The following ANO4 variants were observed in gnomAD, a reference collection of about 807,000 sequenced individuals.
The protein encoded by ANO4 is anoctamin-4.
In ANO4, 69 loss-of-function variants were observed where a neutral mutation model predicts 141.9. The observed-to-expected ratio is 0.49, with a 90% CI of 0.40 to 0.59. The LOEUF is 0.59. Among genes scored for constraint, ANO4 ranks in the 20% least tolerant of loss-of-function variants. The pLI is 0.00. For synonymous variants in ANO4, 350 were observed against 394.3 expected (o/e 0.89, Z 1.33); for missense variants, 894 against 1,162.2 (o/e 0.77, Z 3.36).
intron 1 of ANO4, among the ~76,000 whole-genome samples, chr12:100,865,998 C>T (rs2135908124): frequency 6.6e-6 from 1 of 152,280 alleles, no homozygotes; most frequent in African/African-American, 2.4e-5. Flanking sequence ...GCTTTCCTGT[C>T]TTCTACAAGT....
chr12:101,027,166 G>A (rs1403852937), intron 9 of ANO4, among the ~76,000 whole-genome samples: 1 of 152,244 alleles, frequency 6.6e-6, no homozygotes, highest in Non-Finnish European at 1.5e-5. Flanking sequence ...AAGGGAGGCA[G>A]TGAGTGAGTG....
At chr12:101,043,047 A>G (rs1460545736) in intron 12 of ANO4, among the ~76,000 whole-genome samples, 3 of 152,244 alleles carry the variant, frequency 2.0e-5, no homozygotes, top group Admixed American at 2.0e-4. Flanking sequence ...TCCACCTACG[A>G]AAACATTTTA....
At chr12:100,975,971 T>A (rs867153022) in intron 7 of ANO4, among the ~76,000 whole-genome samples, 3 of 148,864 alleles carry the variant, frequency 2.0e-5, no homozygotes, top group Non-Finnish European at 3.0e-5. Flanking sequence ...CAGATGAAGA[T>A]TGCATCTACT....
chr12:101,040,212 A>G (rs665071), intron 11 of ANO4, 136 bp downstream of exon 11: 843,993 of 1,149,170 alleles, frequency 0.73, 312,065 homozygotes, highest in African/African-American at 0.91. Context: ...TCTTCACAAG[A>G]GGAAACTCAT....
chr12:101,079,544 T>C (rs779434398), intron 15 of ANO4, among the ~76,000 whole-genome samples: 1 of 152,160 alleles, frequency 6.6e-6, no homozygotes, highest in Non-Finnish European at 1.5e-5. Context: ...GGTGTAGCTT[T>C]TTTTTTCCAT....
intron 3 of ANO4, among the ~76,000 whole-genome samples, chr12:100,759,230 C>A (rs2135520496): frequency 6.6e-6 from 1 of 152,264 alleles, no homozygotes; most frequent in Admixed American, 6.5e-5. Context: ...TCATATTAGT[C>A]TCTCAATATG....
chr12:100,753,834 A>C (rs1398698226), intron 3 of ANO4, among the ~76,000 whole-genome samples: 1 of 152,176 alleles, frequency 6.6e-6, no homozygotes, highest in Non-Finnish European at 1.5e-5. Flanking sequence ...CCTAATATTT[A>C]GCTCTGAATT....
chr12:100,866,353 C>A (rs2038752813), intron 1 of ANO4, among the ~76,000 whole-genome samples: 2 of 152,150 alleles, frequency 1.3e-5, no homozygotes, highest in Admixed American at 1.3e-4. Flanking sequence ...CATAAGGTGT[C>A]TACTCTCACC....
chr12:101,036,274 T>C (rs1213628962), intron 9 of ANO4, among the ~76,000 whole-genome samples: 2 of 152,138 alleles, frequency 1.3e-5, no homozygotes, highest in Non-Finnish European at 2.9e-5. Flanking sequence ...TCAGCTGTGA[T>C]GAAAAACAAT....
intron 3 of ANO4, among the ~76,000 whole-genome samples, chr12:100,759,465 A>G (rs2032761892): frequency 6.6e-6 from 1 of 152,114 alleles, no homozygotes; most frequent in Non-Finnish European, 1.5e-5. Context: ...TCTTTCCCAC[A>G]TCTTCAGGGA....
intron 1 of ANO4, among the ~76,000 whole-genome samples, chr12:100,861,872 A>G (rs1249845432): frequency 6.6e-6 from 1 of 152,160 alleles, no homozygotes; most frequent in Non-Finnish European, 1.5e-5. Flanking sequence ...GTTAAGAACT[A>G]AGATACAAAC....
intron 1 of ANO4, among the ~76,000 whole-genome samples, chr12:100,823,665 AT>A (rs1423896218): frequency 2.0e-5 from 3 of 152,096 alleles, no homozygotes; most frequent in Non-Finnish European, 2.9e-5. Context: ...CAGTAAATCT[AT>A]TTTTTTCATA....
intron 9 of ANO4, among the ~76,000 whole-genome samples, chr12:101,027,228 C>T (rs932354076): frequency 6.6e-6 from 1 of 152,160 alleles, no homozygotes; most frequent in South Asian, 2.1e-4. Flanking sequence ...GTGCAACCCA[C>T]GGATTAGAAG....
intron 14 of ANO4, among the ~76,000 whole-genome samples, chr12:101,056,131 CA>C (rs1276792746): frequency 4.6e-5 from 7 of 151,804 alleles, no homozygotes; most frequent in South Asian, 2.1e-4. Context: ...TTTGCATTTC[CA>C]AAAAAATTGT....
chr12:100,943,936 G>T (rs1007322424), intron 5 of ANO4, among the ~76,000 whole-genome samples: 2 of 151,940 alleles, frequency 1.3e-5, no homozygotes, highest in Non-Finnish European at 2.9e-5. Context: ...AGAAATAAAA[G>T]ATCTGAATTG....
chr12:100,748,765 C>T (rs190462203), intron 3 of ANO4, among the ~76,000 whole-genome samples: 8 of 151,762 alleles, frequency 5.3e-5, no homozygotes, highest in East Asian at 1.9e-4. Context: ...TTTTCTCTTG[C>T]CTTTTCTGAT....
chr12:100,961,180 C>T (rs2043402976), intron 5 of ANO4, among the ~76,000 whole-genome samples: 1 of 152,158 alleles, frequency 6.6e-6, no homozygotes. Flanking sequence ...ACACAGTGCA[C>T]AGTAGTTAAA....
At chr12:101,074,323 C>G (rs2048940526) in intron 14 of ANO4, among the ~76,000 whole-genome samples, 1 of 152,178 alleles carries the variant, frequency 6.6e-6, no homozygotes, top group Non-Finnish European at 1.5e-5. Flanking sequence ...AACCCCAGAG[C>G]CTGTCATCAC....
chr12:101,068,447 C>T (rs2048682683), intron 14 of ANO4: 1 of 905,134 alleles, frequency 1.1e-6, no homozygotes, highest in Admixed American at 1.7e-5. Context: ...TGTGTCCTCC[C>T]ATGAAGCCTT....
Sources: allele counts gnomAD v4.1 joint callset (sites outside exome capture counted in the v4.1 genomes callset), GRCh38; gene constraint gnomAD v4.1.1; transcripts MANE v1.5; gene names NCBI Gene and HGNC (gene_info 2026-07-23, HGNC 2026-07-21).